ALK: variants seen among roughly 807,000 people sequenced by gnomAD.
ALK encodes ALK receptor tyrosine kinase.
ALK carries 74 observed loss-of-function variants against 163.1 expected under a neutral mutation model. The observed-to-expected ratio is 0.45, with a 90% CI of 0.38 to 0.55. ALK has a LOEUF of 0.55. Among genes scored for constraint, ALK ranks in the 20% least tolerant of loss-of-function variants. The pLI is 0.00. For synonymous variants in ALK, 960 were observed against 843.2 expected (o/e 1.14, Z -2.40); for missense variants, 2,063 against 2,105.3 (o/e 0.98, Z 0.39).
intron 8 of ALK, among the ~76,000 whole-genome samples, chr2:29,307,919 A>G (rs1401840257): frequency 1.3e-5 from 2 of 152,180 alleles, no homozygotes; most frequent in African/African-American, 4.8e-5. Flanking sequence ...TTTCTGAGGG[A>G]TTATGTAGAA....
At chr2:29,888,702 A>G (rs1667055686) in intron 1 of ALK, among the ~76,000 whole-genome samples, 1 of 152,224 alleles carries the variant, frequency 6.6e-6, no homozygotes, top group Non-Finnish European at 1.5e-5. Flanking sequence ...ATGTCCATGA[A>G]TTCCTATTAA....
At chr2:29,280,968 G>A (rs1354447906) in intron 9 of ALK, among the ~76,000 whole-genome samples, 12 of 152,016 alleles carry the variant, frequency 7.9e-5, no homozygotes, top group Admixed American at 5.9e-4. Context: ...AACCACTCTC[G>A]GACCGAGGGA....
intron 4 of ALK, among the ~76,000 whole-genome samples, chr2:29,387,058 G>T (rs2148304191): frequency 6.6e-6 from 1 of 152,264 alleles, no homozygotes; most frequent in Non-Finnish European, 1.5e-5. Context: ...ACGTACAGCT[G>T]GTTCCATGTG....
At chr2:29,367,985 A>G (rs1191726392) in intron 5 of ALK, among the ~76,000 whole-genome samples, 2 of 152,014 alleles carry the variant, frequency 1.3e-5, no homozygotes, top group African/African-American at 2.4e-5. Flanking sequence ...CACCATTTTG[A>G]CTCACTTTTT....
chr2:29,677,467 G>A (rs1248453879), intron 3 of ALK, among the ~76,000 whole-genome samples: 2 of 151,912 alleles, frequency 1.3e-5, no homozygotes, highest in African/African-American at 2.4e-5. Flanking sequence ...TCTATTCCTA[G>A]TACATAGAGA....
chr2:29,649,053 C>T (rs958249117), intron 3 of ALK, among the ~76,000 whole-genome samples: 3 of 152,062 alleles, frequency 2.0e-5, no homozygotes, highest in Non-Finnish European at 2.9e-5. Flanking sequence ...CATTTGTATA[C>T]GATCTATATT....
intron 4 of ALK, among the ~76,000 whole-genome samples, chr2:29,490,218 C>T (rs72794447): frequency 0.083 from 12,646 of 152,270 alleles, 627 homozygotes; most frequent in Non-Finnish European, 0.11. Context: ...GAGCTGAGGC[C>T]GCAAGCAGCC....
At chr2:29,426,346 C>T (rs1193547549) in intron 4 of ALK, among the ~76,000 whole-genome samples, 3 of 152,174 alleles carry the variant, frequency 2.0e-5, no homozygotes, top group Admixed American at 6.5e-5. Flanking sequence ...TCAACCCATA[C>T]ATCCACACAC....
At chr2:29,768,650 A>G (rs1385689134) in intron 1 of ALK, among the ~76,000 whole-genome samples, 1 of 152,070 alleles carries the variant, frequency 6.6e-6, no homozygotes, top group East Asian at 1.9e-4. Flanking sequence ...TAATTACTTG[A>G]TATCTAAACT....
intron 6 of ALK, 143 bp downstream of exon 6, chr2:29,328,207 G>T: frequency 3.4e-6 from 4 of 1,171,228 alleles, no homozygotes; most frequent in South Asian, 2.7e-5. Flanking sequence ...CTTGAAGACT[G>T]TGTGGCTTTG....
rs573548637 is a variant in ALK, at chr2:29,327,119, G to A, written c.1414+1231C>T. 3.4e-4 allele frequency among the ~76,000 whole-genome samples: 52 copies of A among 152,348 alleles called. No homozygotes were observed. The South Asian group carries it at 9.9e-3, about 29-fold the overall frequency. ...GTGGCAAAAACATCAAGGGCTCTGC[G>A]GTGATTACTTCTGGAGAGGCAGCTG... On this transcript the variant is annotated intron_variant, in intron 6 of 28. Coordinates refer to ENST00000389048, the MANE Select transcript of ALK (RefSeq NM_004304.5).
intron 3 of ALK, among the ~76,000 whole-genome samples, chr2:29,617,925 T>C (rs1020617773): frequency 4.6e-5 from 7 of 152,184 alleles, no homozygotes; most frequent in African/African-American, 1.7e-4. Flanking sequence ...AGCACACCCA[T>C]AGTCCTGTGA....
chr2:29,856,518 G>A (rs187608178), intron 1 of ALK, among the ~76,000 whole-genome samples: 18 of 152,352 alleles, frequency 1.2e-4, no homozygotes, highest in South Asian at 2.1e-4. Context: ...CTGAGGCTGA[G>A]TTAGTAATTT....
chr2:29,414,330 A>G (rs1009108784), intron 4 of ALK, among the ~76,000 whole-genome samples: 2 of 152,180 alleles, frequency 1.3e-5, no homozygotes, highest in African/African-American at 4.8e-5. Context: ...ATGCTAGAAG[A>G]CCACTTAGCT....
At chr2:29,250,968 AC>A in intron 12 of ALK, 136 bp downstream of exon 12, 1 of 780,448 alleles carries the variant, frequency 1.3e-6, no homozygotes, top group Non-Finnish European at 2.0e-6. Context: ...CAACCTTTAT[AC>A]CCCCTATGGG....
At chr2:29,911,820 G>T (rs1412599370) in intron 1 of ALK, among the ~76,000 whole-genome samples, 1 of 152,148 alleles carries the variant, frequency 6.6e-6, no homozygotes, top group Non-Finnish European at 1.5e-5. Context: ...CCAATAATAA[G>T]ATCATCCAGA....
At chr2:29,569,573 T>G (rs5830123) in intron 3 of ALK, among the ~76,000 whole-genome samples, 13 of 72,606 alleles carry the variant, frequency 1.8e-4, no homozygotes, top group Non-Finnish European at 2.5e-4. Flanking sequence ...TCCCCCCCCC[T>G]AGTGAGGTCC....
intron 3 of ALK, among the ~76,000 whole-genome samples, chr2:29,660,760 GC>G (rs1677322992): frequency 3.3e-5 from 5 of 152,202 alleles, no homozygotes; most frequent in Middle Eastern, 6.8e-3. Context: ...AATGTGCACA[GC>G]TGTTCCAAAG....
intron 1 of ALK, among the ~76,000 whole-genome samples, chr2:29,838,640 TATG>T (rs1665625504): frequency 6.6e-6 from 1 of 152,178 alleles, no homozygotes. Flanking sequence ...TTTCAGATAT[TATG>T]ATAAGTGGAA....
Sources: allele counts gnomAD v4.1 joint callset (sites outside exome capture counted in the v4.1 genomes callset), GRCh38; gene constraint gnomAD v4.1.1; transcripts MANE v1.5; gene names NCBI Gene and HGNC (gene_info 2026-07-23, HGNC 2026-07-21).